The following ARHGEF6 variants were observed in gnomAD, a reference collection of about 807,000 sequenced individuals.
ARHGEF6 encodes rho guanine nucleotide exchange factor 6.
ARHGEF6 carries 9 observed loss-of-function variants against 70.3 expected under a neutral mutation model. That is an observed-to-expected ratio of 0.13 (90% CI 0.08 to 0.22). The LOEUF (loss-of-function observed/expected upper bound fraction) is 0.22, where lower values mean the gene tolerates loss of function less well. Ranked by LOEUF, ARHGEF6 falls within the 10% of genes least tolerant of loss-of-function variation. The pLI is 1.00. For synonymous variants in ARHGEF6, 201 were observed against 207.8 expected, an observed-to-expected ratio of 0.97 and a Z score of 0.28; for missense variants, 470 against 563.0, an observed-to-expected ratio of 0.83 and a Z score of 1.67.
chrX:136,754,835 T>C (rs908152164), intron 2 of ARHGEF6, among the ~76,000 whole-genome samples: 10 of 111,355 alleles, frequency 9.0e-5, no homozygotes, highest in Non-Finnish European at 7.6e-5. Flanking sequence ...CCAGAGCCTT[T>C]GCAAAAGCAC....
intron 13 of ARHGEF6, 64 bp downstream of exon 13, chrX:136,682,694 C>G (rs2076344355): frequency 1.1e-6 from 1 of 890,264 alleles, no homozygotes; most frequent in Non-Finnish European, 1.7e-6. Flanking sequence ...GGAGATATTG[C>G]ATCTGGATGG....
intron 19 of ARHGEF6, among the ~76,000 whole-genome samples, chrX:136,673,501 G>A (rs1313833491): frequency 8.9e-6 from 1 of 111,877 alleles, no homozygotes; most frequent in East Asian, 2.8e-4. Flanking sequence ...GTGAAGACGT[G>A]TCTTTTTAAG....
intron 2 of ARHGEF6, among the ~76,000 whole-genome samples, chrX:136,778,073 G>A (rs1419186917): frequency 9.0e-6 from 1 of 111,370 alleles, no homozygotes; most frequent in Non-Finnish European, 1.9e-5. Context: ...CAAAATCTCA[G>A]AAATCACCAC....
intron 6 of ARHGEF6, among the ~76,000 whole-genome samples, chrX:136,721,794 T>C (rs1236993891): frequency 9.0e-6 from 1 of 110,863 alleles, no homozygotes; most frequent in Non-Finnish European, 1.9e-5. Flanking sequence ...GGGGAGCTGG[T>C]TGGGATGATG....
chrX:136,685,579 C>G (rs146778359), intron 12 of ARHGEF6, 98 bp downstream of exon 12: 10 of 1,026,199 alleles, frequency 9.7e-6, no homozygotes, highest in Admixed American at 2.4e-5. Context: ...TGCACTCCAG[C>G]CTGAGTGACA....
At chrX:136,718,179 T>C (rs1414708346) in intron 6 of ARHGEF6, among the ~76,000 whole-genome samples, 1 of 111,341 alleles carries the variant, frequency 9.0e-6, no homozygotes, top group Non-Finnish European at 1.9e-5. Context: ...AAAGGAGATA[T>C]CATGTTCATA....
intron 20 of ARHGEF6, 132 bp downstream of exon 20, chrX:136,671,888 A>G (rs1338355446): frequency 1.1e-5 from 6 of 567,439 alleles, no homozygotes; most frequent in African/African-American, 2.2e-5. Flanking sequence ...ATGCATGCAC[A>G]GCAAAGCAGG....
chrX:136,776,515 T>C (rs2077406039), intron 2 of ARHGEF6, among the ~76,000 whole-genome samples: 1 of 111,442 alleles, frequency 9.0e-6, no homozygotes, highest in Non-Finnish European at 1.9e-5. Context: ...TGGATCCTCA[T>C]CTCTCACCGC....
intron 9 of ARHGEF6, among the ~76,000 whole-genome samples, chrX:136,694,155 C>T (rs190727040): frequency 9.2e-6 from 1 of 108,626 alleles, no homozygotes; most frequent in Non-Finnish European, 1.9e-5. Flanking sequence ...AGGGTTCAAG[C>T]GATTCTCTTG....
chrX:136,693,467 T>TA (rs962696494), intron 9 of ARHGEF6, among the ~76,000 whole-genome samples: 8 of 112,034 alleles, frequency 7.1e-5, no homozygotes, highest in African/African-American at 2.3e-4. Flanking sequence ...CATAAATATA[T>TA]ATTGTTATAC....
intron 16 of ARHGEF6, among the ~76,000 whole-genome samples, chrX:136,678,839 A>G (rs1359480248): frequency 8.9e-6 from 1 of 111,908 alleles, no homozygotes; most frequent in Non-Finnish European, 1.9e-5. Context: ...TGAAATCTGA[A>G]ATGATTTGAG....
intron 6 of ARHGEF6, among the ~76,000 whole-genome samples, chrX:136,727,347 TTCTTTC>T (rs2076868434): frequency 2.1e-5 from 1 of 47,445 alleles, no homozygotes; most frequent in Non-Finnish European, 3.8e-5. Flanking sequence ...CTTTCTTTCT[TTCTTTC>T]TTTCTTTCTT....
chrX:136,692,030 G>A (rs1183055136), intron 9 of ARHGEF6, among the ~76,000 whole-genome samples: 1 of 111,214 alleles, frequency 9.0e-6, no homozygotes, highest in East Asian at 2.8e-4. Flanking sequence ...TAAAGTACTA[G>A]GAGGCTGGAA....
intron 15 of ARHGEF6, among the ~76,000 whole-genome samples, chrX:136,680,376 T>A (rs1180206403): frequency 8.9e-6 from 1 of 112,521 alleles, no homozygotes; most frequent in Non-Finnish European, 1.9e-5. Context: ...GTAAACTATT[T>A]GTTTCGACTT....
At chrX:136,719,560 G>C (rs2076775077) in intron 6 of ARHGEF6, among the ~76,000 whole-genome samples, 1 of 111,362 alleles carries the variant, frequency 9.0e-6, no homozygotes. Flanking sequence ...AAAGAAGAAA[G>C]ATCTAAAATA....
At chrX:136,758,074 G>A (rs2077228153) in intron 2 of ARHGEF6, among the ~76,000 whole-genome samples, 1 of 19,307 alleles carries the variant, frequency 5.2e-5, no homozygotes, top group Non-Finnish European at 7.3e-5. Flanking sequence ...TTTTTGGGAC[G>A]GAGTCTCGCT....
Position 136,780,806 on chromosome X carries a change from T to C in ARHGEF6, c.77A>G (p.Asp26Gly). The C allele has an allele frequency of 3.3e-6, 4 of 1,211,002 alleles. No homozygotes were observed. Among genetic ancestry groups the C allele is most frequent in the Non-Finnish European group, 4.5e-6 (4 of 895,204 alleles). Reference sequence around the variant, plus strand: ...CGAGGACTTTAAAAACTCCTCCGGATCACAGATGGTCTTTTTAGGGGACTC... The same window carrying C: ...CGAGGACTTTAAAAACTCCTCCGGACCACAGATGGTCTTTTTAGGGGACTC... ...VLESPKKTIC[D>G]PEEFLKSSLK... The change falls in exon 1 of 22, where the codon GAT (aspartate) becomes GGT (glycine). Residue 26 changes from aspartate to glycine, a missense_variant. Coordinates refer to ENST00000250617, the MANE Select transcript of ARHGEF6 (RefSeq NM_004840.3).
At chrX:136,682,667 G>T in intron 13 of ARHGEF6, 91 bp downstream of exon 13, 1 of 707,745 alleles carries the variant, frequency 1.4e-6, no homozygotes, top group Non-Finnish European at 2.3e-6. Flanking sequence ...CCTGGCTTGA[G>T]CTTTTAATGC....
intron 2 of ARHGEF6, among the ~76,000 whole-genome samples, chrX:136,779,210 G>A (rs2077428903): frequency 8.9e-6 from 1 of 112,131 alleles, no homozygotes; most frequent in Non-Finnish European, 1.9e-5. Context: ...ATTATTGTGT[G>A]AGTTTTTATT....
Sources: gnomAD v4.1 joint callset for allele counts (sites outside exome capture counted in the v4.1 genomes callset) on GRCh38, gnomAD v4.1.1 for gene constraint, MANE v1.5 for transcripts, NCBI Gene and HGNC (gene_info 2026-07-23, HGNC 2026-07-21) for gene names.